BANK1: variants seen among roughly 807,000 people sequenced by gnomAD.
The protein encoded by BANK1 is B-cell scaffold protein with ankyrin repeats.
Under a neutral mutation model 94.5 loss-of-function variants are expected in BANK1, and 95 were observed. The observed-to-expected ratio is 1.00, with a 90% confidence interval of 0.85 to 1.19. BANK1 has a LOEUF of 1.19. BANK1 is among the 50% of genes most tolerant of loss of function. The pLI, the probability that BANK1 is intolerant of heterozygous loss-of-function variation, is 0.00. For synonymous variants in BANK1, 334 were observed against 308.4 expected (o/e 1.08, Z -0.87); for missense variants, 987 against 932.2 (o/e 1.06, Z -0.77).
At chr4:101,991,601 A>G (rs1019534225) in intron 7 of BANK1, among the ~76,000 whole-genome samples, 5 of 152,198 alleles carry the variant, frequency 3.3e-5, no homozygotes, top group African/African-American at 1.2e-4. Flanking sequence ...TAATTAGCCT[A>G]TGGACAAGTG....
intron 1 of BANK1, among the ~76,000 whole-genome samples, chr4:101,797,813 C>T (rs939489927): frequency 3.3e-5 from 5 of 151,908 alleles, no homozygotes; most frequent in African/African-American, 7.3e-5. Flanking sequence ...GTAAGCAGTT[C>T]GATTTTAGGA....
chr4:101,946,238 T>C lies in BANK1; in HGVS notation c.1206+28049T>C, dbSNP rs554621434. 2.6e-5 allele frequency among the ~76,000 whole-genome samples: 4 copies of C among 152,044 alleles called. No individual in the cohort carries two copies. The East Asian group carries it at 7.8e-4, about 30-fold the overall frequency. ...ATAATGTTATGCGATGAGATAATAT[T>C]TAAAAAGAACATGCAGAGAAGATTA... On this transcript the variant is annotated intron_variant, in intron 7 of 16. Coordinates refer to ENST00000322953, the MANE Select transcript of BANK1 (RefSeq NM_017935.5).
chr4:101,972,234 A>G (rs568230614), intron 7 of BANK1, among the ~76,000 whole-genome samples: 1 of 152,116 alleles, frequency 6.6e-6, no homozygotes, highest in East Asian at 1.9e-4. Context: ...TCTTATAGCT[A>G]TTGTAGTTAG....
At chr4:101,801,449 C>T (rs189169463) in intron 1 of BANK1, among the ~76,000 whole-genome samples, 191 of 152,146 alleles carry the variant, frequency 1.3e-3, no homozygotes, top group African/African-American at 4.4e-3. Flanking sequence ...AAAAAAATTC[C>T]AATGAAATAA....
chr4:102,010,467 A>G (rs775451680), intron 7 of BANK1, among the ~76,000 whole-genome samples: 3 of 142,336 alleles, frequency 2.1e-5, no homozygotes, highest in East Asian at 2.1e-4. Flanking sequence ...ATCTGGGCTC[A>G]CTGCAGCTTC....
intron 1 of BANK1, among the ~76,000 whole-genome samples, chr4:101,814,104 A>T (rs1725815062): frequency 6.6e-6 from 1 of 152,202 alleles, no homozygotes; most frequent in Admixed American, 6.5e-5. Flanking sequence ...TACATAAAAA[A>T]GCCCTTGAAA....
chr4:101,910,660 C>T (rs1314506634), intron 6 of BANK1, among the ~76,000 whole-genome samples: 2 of 145,066 alleles, frequency 1.4e-5, no homozygotes, highest in African/African-American at 2.6e-5. Flanking sequence ...CACCATTGCA[C>T]TCCAGCCTGG....
rs186840738 is a variant in BANK1 at position 102,071,255 on chromosome 4, T to C, written c.2213-20T>C. 991 of 1,612,832 alleles carry C rather than the reference T, an allele frequency of 6.1e-4. 6 individuals carry two copies. The African/African-American group carries it at 0.01, about 17-fold the overall frequency. The stretch of plus-strand genomic sequence containing the variant: ...ATATTGAACAAAACTCAGTAGAACA[T>C]GCTTTTTTTTGTCTTCCAGATAAAC... On this transcript the variant is annotated intron_variant, in intron 13 of 16. Transcript: ENST00000322953.
chr4:101,812,089 G>A (rs1438353802), intron 1 of BANK1, among the ~76,000 whole-genome samples: 1 of 151,922 alleles, frequency 6.6e-6, no homozygotes, highest in Admixed American at 6.6e-5. Flanking sequence ...ATTATGGTAA[G>A]TTATCTTGTT....
At chr4:102,037,591 C>A (rs1030174205) in intron 10 of BANK1, among the ~76,000 whole-genome samples, 1 of 152,122 alleles carries the variant, frequency 6.6e-6, no homozygotes, top group Non-Finnish European at 1.5e-5. Flanking sequence ...CCCTAACGGA[C>A]CAGCAGCATT....
chr4:101,944,590 G>GA (rs925490948), intron 7 of BANK1, among the ~76,000 whole-genome samples: 16 of 150,706 alleles, frequency 1.1e-4, no homozygotes, highest in South Asian at 2.1e-4. Flanking sequence ...TCTAGAGAAG[G>GA]AAAAAAAAAT....
chr4:102,034,230 T>C (rs1278891461), intron 10 of BANK1, among the ~76,000 whole-genome samples: 4 of 152,064 alleles, frequency 2.6e-5, no homozygotes, highest in South Asian at 2.1e-4. Context: ...AGAGGAAAAA[T>C]ACAGGAATGC....
intron 7 of BANK1, among the ~76,000 whole-genome samples, chr4:101,952,915 T>A (rs1578417655): frequency 6.6e-6 from 1 of 152,150 alleles, no homozygotes; most frequent in East Asian, 1.9e-4. Context: ...AATTTTGACA[T>A]TACCAGCTTT....
Position 101,830,165 on chromosome 4 carries a change from C to G in BANK1, c.428C>G (p.Pro143Arg). ...TGGGAGATCTCAACTGAACAGGAAC[C>G]TGAAGACTACATCTCTGTAATCCAG... Reference protein sequence around the residue: ...SRWEISTEQEPEDYISVIQSI... With the variant: ...SRWEISTEQEREDYISVIQSI... Residue 143 changes from proline (P) to arginine (R), a missense_variant, in exon 2 of 17, where the codon CCT (proline) becomes CGT (arginine). Pro to Arg is a moderately radical substitution (Grantham distance 103, BLOSUM62 -2). Transcript: ENST00000322953. 6.3e-7 allele frequency: 1 copy of G among 1,592,432 alleles called. No homozygotes were observed. Among genetic ancestry groups the G allele is most frequent in the South Asian group, 1.2e-5 (1 of 86,802 alleles).
At chr4:101,960,722 G>T in intron 7 of BANK1, among the ~76,000 whole-genome samples, 1 of 152,140 alleles carries the variant, frequency 6.6e-6, no homozygotes. Flanking sequence ...AAAACTTCAT[G>T]AATCAGTAAG....
At chr4:101,992,349 G>C (rs1173828770) in intron 7 of BANK1, among the ~76,000 whole-genome samples, 2 of 152,114 alleles carry the variant, frequency 1.3e-5, no homozygotes, top group Admixed American at 6.6e-5. Flanking sequence ...GTAGATATTT[G>C]TAAGTAAAAC....
At chr4:101,974,780 T>G (rs1047394305) in intron 7 of BANK1, among the ~76,000 whole-genome samples, 4 of 115,654 alleles carry the variant, frequency 3.5e-5, no homozygotes, top group Admixed American at 9.4e-5. Flanking sequence ...AAACCCCATC[T>G]TTACTAAAAA....
Position 101,918,184 on chromosome 4 carries a change from T to C in BANK1, c.1201T>C (p.Phe401Leu). Residue 401 changes from phenylalanine to leucine, a missense_variant, in exon 7 of 17, where the codon TTT (phenylalanine) becomes CTT (leucine). By Grantham distance (22) the Phe-to-Leu change is conservative. Transcript: ENST00000322953. ...AGAACTCAAGAAAATCTTCGAAGAC[T>C]TTTCAGTAAGTTTTTTTTTTAAATT... Reference protein sequence around the residue: ...HKELKKIFEDFSIQEIDINNE... With the variant: ...HKELKKIFEDLSIQEIDINNE... 1.3e-6 allele frequency: 2 copies of C among 1,559,508 alleles called. No homozygotes were observed. The highest frequency in any genetic ancestry group is 2.5e-5 in the South Asian group (2 of 80,974).
chr4:101,834,224 C>T (rs750015713), intron 2 of BANK1, among the ~76,000 whole-genome samples: 6 of 152,066 alleles, frequency 3.9e-5, no homozygotes, highest in Non-Finnish European at 5.9e-5. Flanking sequence ...TATTCATGCT[C>T]GGTAAGAGGA....
Sources: gnomAD v4.1 joint callset for allele counts (sites outside exome capture counted in the v4.1 genomes callset) on GRCh38, gnomAD v4.1.1 for gene constraint, MANE v1.5 for transcripts, NCBI Gene and HGNC (gene_info 2026-07-23, HGNC 2026-07-21) for gene names.